Variants in SLC22A15 observed in about 807,000 individuals in gnomAD.
SLC22A15 encodes flipt 1.
Under a neutral mutation model 62.7 loss-of-function variants are expected in SLC22A15, and 45 were observed. That is an observed-to-expected ratio of 0.72 (90% CI 0.56 to 0.92). SLC22A15 has a LOEUF of 0.92. Ranked by LOEUF, SLC22A15 falls within the 40% of genes least tolerant of loss-of-function variation. The pLI is 0.00. For missense variants in SLC22A15, 622 were observed against 665.6 expected, an observed-to-expected ratio of 0.93 and a Z score of 0.72; for synonymous variants, 264 against 267.0, an observed-to-expected ratio of 0.99 and a Z score of 0.11.
chr1:115,988,985 G>A (rs1260934215), intron 1 of SLC22A15, among the ~76,000 whole-genome samples: 1 of 152,076 alleles, frequency 6.6e-6, no homozygotes, highest in East Asian at 1.9e-4. Context: ...CATGACTATG[G>A]GTATTGGAGG....
In SLC22A15 at chr1:115,992,108, C is replaced by G. The variant is rs780425173; in HGVS notation, c.165C>G (p.Leu55=). 8 of 1,613,860 alleles carry G rather than the reference C, an allele frequency of 5.0e-6. No homozygotes were observed. Among genetic ancestry groups the G allele is most frequent in the African/African-American group, 1.3e-5 (1 of 74,938 alleles). The change falls in exon 2 of 12, where the codon CTC becomes CTG. Residue 55 remains leucine (L), a synonymous_variant. Coordinates refer to ENST00000369503, the MANE Select transcript of SLC22A15 (RefSeq NM_018420.3). ...TPSYHWDLAE[L]LPNQSHGNQS... ...CCTACCACTGGGACCTGGCAGAGCTCCTGCCAAATCAGAGCCACGGTAACC... is the reference window on the plus strand; with the variant it reads ...CCTACCACTGGGACCTGGCAGAGCTGCTGCCAAATCAGAGCCACGGTAACC...
chr1:115,989,974 C>T (rs918106831), intron 1 of SLC22A15, among the ~76,000 whole-genome samples: 8 of 152,032 alleles, frequency 5.3e-5, no homozygotes, highest in Admixed American at 3.9e-4. Context: ...TTAGATCCTG[C>T]CTTTAAGGAG....
intron 5 of SLC22A15, chr1:116,027,280 G>A: frequency 3.4e-6 from 2 of 591,704 alleles, no homozygotes; most frequent in Non-Finnish European, 6.5e-6. Context: ...GTTGGCATAG[G>A]CAACCAATTG....
At chr1:116,037,731 G>C (rs764495040) in intron 8 of SLC22A15, among the ~76,000 whole-genome samples, 1 of 152,158 alleles carries the variant, frequency 6.6e-6, no homozygotes, top group Admixed American at 6.5e-5. Context: ...AATTGCACTC[G>C]TCATTACAGC....
chr1:115,991,950 A>G, intron 1 of SLC22A15, 81 bp from the exon 2 acceptor site: 1 of 1,182,232 alleles, frequency 8.5e-7, no homozygotes, highest in Non-Finnish European at 1.2e-6. Flanking sequence ...CTGATCTTTC[A>G]AGGTTTGCAA....
intron 8 of SLC22A15, among the ~76,000 whole-genome samples, chr1:116,056,105 G>A (rs1658200331): frequency 1.3e-5 from 2 of 150,314 alleles, no homozygotes; most frequent in South Asian, 4.3e-4. Flanking sequence ...AGGAAAAGAG[G>A]AAGTCAAATT....
At chr1:116,028,860 T>C (rs1236484719) in intron 5 of SLC22A15, among the ~76,000 whole-genome samples, 1 of 152,212 alleles carries the variant, frequency 6.6e-6, no homozygotes, top group Admixed American at 6.5e-5. Context: ...ATTTGATAAG[T>C]ACACCACTGT....
chr1:115,976,721 C>A lies in SLC22A15; in HGVS notation c.87+7C>A. 1 of 1,574,284 alleles carries A rather than the reference C, an allele frequency of 6.4e-7. No individual in the cohort carries two copies. The highest frequency in any genetic ancestry group is 8.6e-7 in the Non-Finnish European group (1 of 1,161,500). On this transcript the variant is annotated splice_region_variant and intron_variant, in intron 1 of 11. Coordinates refer to ENST00000369503, the MANE Select transcript of SLC22A15 (RefSeq NM_018420.3). ...GCTGGCCGTGCTGCTGCAGGTAAGT[C>A]CCCGCGGCCCCGCAGCCGCATTTCC...
chr1:116,044,363 G>A (rs922384584), intron 8 of SLC22A15, among the ~76,000 whole-genome samples: 2 of 152,224 alleles, frequency 1.3e-5, no homozygotes, highest in African/African-American at 4.8e-5. Flanking sequence ...ACTTTGGGAG[G>A]CCGAGGCAGG....
At chr1:115,994,411 C>T (rs1296205363) in intron 2 of SLC22A15, among the ~76,000 whole-genome samples, 2 of 152,170 alleles carry the variant, frequency 1.3e-5, no homozygotes, top group Non-Finnish European at 2.9e-5. Context: ...AGATTTGAAG[C>T]TAAATTTGTC....
rs201707326 is a variant in SLC22A15 at position 116,066,542 on chromosome 1, C to G, written c.1388C>G (p.Pro463Arg). 113 of 1,604,640 alleles carry G rather than the reference C, an allele frequency of 7.0e-5. No homozygotes were observed. The highest frequency in any genetic ancestry group is 2.9e-5 in the Non-Finnish European group (34 of 1,175,548). ...PSLKYVQWSL[P>R]FIVFGATGLT... is the part of the protein sequence containing the mutation. Reference sequence around the variant, plus strand: ...CAGAAATATGTGCAATGGTCTTTACCATTCATTGTCTTCGGAGCCACGGGT... The same window carrying G: ...CAGAAATATGTGCAATGGTCTTTACGATTCATTGTCTTCGGAGCCACGGGT... Residue 463 changes from proline (P) to arginine (R), a missense_variant, in exon 11 of 12, where the codon CCA becomes CGA. Coordinates refer to ENST00000369503, the MANE Select transcript of SLC22A15 (RefSeq NM_018420.3).
intron 5 of SLC22A15, among the ~76,000 whole-genome samples, chr1:116,031,074 CAT>C (rs1657372011): frequency 6.6e-6 from 1 of 151,946 alleles, no homozygotes; most frequent in African/African-American, 2.4e-5. Context: ...TAATATTTAA[CAT>C]ATTAAAATTC....
chr1:116,025,168 G>A (rs960388712), intron 4 of SLC22A15, among the ~76,000 whole-genome samples: 1 of 152,316 alleles, frequency 6.6e-6, no homozygotes, highest in South Asian at 2.1e-4. Flanking sequence ...GTATGTAACA[G>A]AACTAGGATC....
At chr1:115,987,299 G>A (rs1468529202) in intron 1 of SLC22A15, among the ~76,000 whole-genome samples, 1 of 151,734 alleles carries the variant, frequency 6.6e-6, no homozygotes, top group Non-Finnish European at 1.5e-5. Context: ...CCCAGCAGCT[G>A]GGACTACAGG....
In SLC22A15 at chr1:116,020,246, T is replaced by TAA. The variant is rs554789441; in HGVS notation, c.434-461_434-460dup. Among the ~76,000 whole-genome samples the TAA allele has an allele frequency of 7.4e-3, 1,033 of 140,104 alleles. 10 individuals are homozygous for TAA. The highest frequency in any genetic ancestry group is 0.023 in the African/African-American group (860 of 37,888). 91.9% of individuals were successfully genotyped at this position (140,104 alleles called of 152,430 possible). ...AAAAATAGTTTCCAAGAGAAGCTGT[T>TAA]AAAAAAAAAAAAAAACACACAGCTG... On this transcript the variant is annotated intron_variant, in intron 3 of 11. Coordinates refer to ENST00000369503, the MANE Select transcript of SLC22A15 (RefSeq NM_018420.3).
chr1:116,016,007 A>C (rs1248821822), intron 2 of SLC22A15, among the ~76,000 whole-genome samples: 2 of 152,172 alleles, frequency 1.3e-5, no homozygotes, highest in East Asian at 3.9e-4. Context: ...AATTTTTTAC[A>C]AAACAAAATT....
At chr1:116,040,901 G>A (rs1657761543) in intron 8 of SLC22A15, among the ~76,000 whole-genome samples, 1 of 152,180 alleles carries the variant, frequency 6.6e-6, no homozygotes, top group Admixed American at 6.5e-5. Flanking sequence ...CATCATGCCT[G>A]GCCAGATAAG....
chr1:116,052,260 C>T (rs936594387), intron 8 of SLC22A15, among the ~76,000 whole-genome samples: 3 of 152,202 alleles, frequency 2.0e-5, no homozygotes, highest in Non-Finnish European at 2.9e-5. Flanking sequence ...GCACCTGGCT[C>T]GGAGGGTCCT....
intron 8 of SLC22A15, among the ~76,000 whole-genome samples, chr1:116,042,451 A>G (rs1267729486): frequency 6.6e-6 from 1 of 152,130 alleles, no homozygotes; most frequent in Non-Finnish European, 1.5e-5. Flanking sequence ...ATACAACATG[A>G]AACAAAAAAA....
Sources: gnomAD v4.1 joint callset for allele counts (sites outside exome capture counted in the v4.1 genomes callset) on GRCh38, gnomAD v4.1.1 for gene constraint, MANE v1.5 for transcripts, NCBI Gene and HGNC (gene_info 2026-07-23, HGNC 2026-07-21) for gene names.